LINGO1: variants seen among roughly 807,000 people sequenced by gnomAD.
LINGO1 encodes leucine rich repeat and Ig domain containing 1, also known as leucine-rich repeat and immunoglobulin-like domain-containing nogo receptor-interacting protein 1.
LINGO1 carries 11 observed loss-of-function variants against 37.3 expected under a neutral mutation model. The ratio of observed to expected loss-of-function variants is 0.29; its 90% CI spans 0.19 to 0.49. The LOEUF is 0.49. Among genes scored for constraint, LINGO1 ranks in the 20% least tolerant of loss-of-function variants. The pLI, the probability that LINGO1 is intolerant of heterozygous loss-of-function variation, is 0.99. For synonymous variants in LINGO1, 387 were observed against 403.0 expected, an observed-to-expected ratio of 0.96 and a Z score of 0.48; for missense variants, 585 against 878.2, an observed-to-expected ratio of 0.67 and a Z score of 4.22.
At chr15:77,647,985 CCTT>C in intron 3 of LINGO1, 1 of 453,498 alleles carries the variant, frequency 2.2e-6, no homozygotes, top group Non-Finnish European at 4.4e-6. Context: ...TTCCTTGCCT[CCTT>C]CTTTCCTCCC....
At chr15:77,667,739 A>G (rs1175597948) in intron 3 of LINGO1, 4 of 152,226 alleles carry the variant, frequency 2.6e-5, no homozygotes, top group Admixed American at 2.6e-4. Flanking sequence ...ATGGACGTCA[A>G]TATTATTGCC....
At chr15:77,712,972 T>C (rs1318607770) in intron 2 of LINGO1, among the ~76,000 whole-genome samples, 12 of 152,194 alleles carry the variant, frequency 7.9e-5, no homozygotes, top group Non-Finnish European at 8.8e-5. Context: ...AGCAAACAAT[T>C]GTGTTCTGGT....
At chr15:77,773,899 C>T (rs1410971191) in intron 1 of LINGO1, among the ~76,000 whole-genome samples, 1 of 152,068 alleles carries the variant, frequency 6.6e-6, no homozygotes, top group East Asian at 1.9e-4. Flanking sequence ...CTGAGAACAT[C>T]CCCTCAGGCT....
intron 1 of LINGO1, among the ~76,000 whole-genome samples, chr15:77,769,678 G>T (rs1033850998): frequency 3.3e-5 from 5 of 152,162 alleles, no homozygotes; most frequent in Non-Finnish European, 5.9e-5. Context: ...ACCCCTGGGG[G>T]ACAGGATCCC....
At chr15:77,633,140 G>T (rs1002602724), upstream of LINGO1, among the ~76,000 whole-genome samples, 14 of 151,876 alleles carry the variant, frequency 9.2e-5, no homozygotes, top group African/African-American at 3.4e-4. Context: ...GGCGAGGGGC[G>T]CACCAGCCAG....
intron 3 of LINGO1, among the ~76,000 whole-genome samples, chr15:77,655,703 G>A (rs554452926): frequency 1.3e-5 from 2 of 152,158 alleles, no homozygotes; most frequent in Non-Finnish European, 2.9e-5. Flanking sequence ...ATTTGCCAGG[G>A]GTATGAAGAG....
chr15:77,769,942 G>T (rs1452589430), intron 1 of LINGO1, among the ~76,000 whole-genome samples: 1 of 152,188 alleles, frequency 6.6e-6, no homozygotes, highest in African/African-American at 2.4e-5. Flanking sequence ...GTGTGGTTTT[G>T]TGACTTGTCC....
chr15:77,620,522 C>T (rs566579732), intron 1 of LINGO1, among the ~76,000 whole-genome samples: 2 of 152,386 alleles, frequency 1.3e-5, no homozygotes, highest in Admixed American at 6.5e-5. Flanking sequence ...CTCCCTGACA[C>T]ACGCAGTTCT....
At chr15:77,794,885 C>T (rs1432857248) in intron 2 of LINGO1, among the ~76,000 whole-genome samples, 1 of 152,046 alleles carries the variant, frequency 6.6e-6, no homozygotes, top group Non-Finnish European at 1.5e-5. Context: ...AACTGGGCTT[C>T]GGAGCAAGGC....
At chr15:77,728,080 G>A (rs577640552) in intron 2 of LINGO1, among the ~76,000 whole-genome samples, 1 of 152,216 alleles carries the variant, frequency 6.6e-6, no homozygotes, top group South Asian at 2.1e-4. Context: ...GAGAGCCCCA[G>A]GTCAGGGCTG....
chr15:77,777,368 TATACACACACAA>T (rs60189453), intron 1 of LINGO1, among the ~76,000 whole-genome samples: 77,680 of 149,056 alleles, frequency 0.52, 20,439 homozygotes, highest in South Asian at 0.62. Context: ...CGCATACACA[TATACACACACAA>T]ATACACACAC....
chr15:77,619,949 C>A lies in LINGO1; in HGVS notation c.7-4049G>T, dbSNP rs115360145. Among the ~76,000 whole-genome samples, 432 of 152,198 alleles carry A rather than the reference C, an allele frequency of 2.8e-3. 4 individuals are homozygous for A. Among genetic ancestry groups the A allele is most frequent in the African/African-American group, 8.8e-3 (367 of 41,526 alleles). On this transcript the variant is annotated intron_variant, in intron 1 of 1. Transcript: ENST00000355300. ...TGGGGAAGCTGAAGGTTGAGAGAGG[C>A]TAGGATGCCTGCCCAAGCTGGCACA... is the stretch of plus-strand genomic sequence containing the variant.
At chr15:77,663,570 T>A (rs1350025496) in intron 3 of LINGO1, among the ~76,000 whole-genome samples, 2 of 152,186 alleles carry the variant, frequency 1.3e-5, no homozygotes, top group Non-Finnish European at 2.9e-5. Flanking sequence ...TTATCTGCCC[T>A]TCTCTCAGAA....
rs1429450920 is a variant in LINGO1 at position 77,614,822 on chromosome 15, T to C, written c.1085A>G (p.Glu362Gly). 1 of 1,612,154 alleles carries C rather than the reference T, an allele frequency of 6.2e-7. No homozygotes were observed. The highest frequency in any genetic ancestry group is 8.5e-7 in the Non-Finnish European group (1 of 1,179,276). ...ESVFHSVGNLETLILDSNPLA... is the reference protein window; with the variant it reads ...ESVFHSVGNLGTLILDSNPLA... ...CGGGTTGGAGTCCAGGATGAGTGTC[T>C]CCAGGTTGCCCACCGAGTGGAAGAC... Residue 362 changes from glutamate (E) to glycine (G), a missense_variant, in exon 2 of 2, where the codon GAG (glutamate) becomes GGG (glycine). Glu to Gly is a moderately conservative substitution (Grantham distance 98). This residue lies in a region of LINGO1 where 484 missense variants were observed against 735.0 expected (regional missense o/e 0.66). Coordinates refer to ENST00000355300, the MANE Select transcript of LINGO1 (RefSeq NM_032808.7).
intron 3 of LINGO1, among the ~76,000 whole-genome samples, chr15:77,647,393 A>C (rs2074656990): frequency 7.2e-6 from 1 of 139,848 alleles, no homozygotes; most frequent in African/African-American, 2.6e-5. Flanking sequence ...AGAGAAGGGA[A>C]AGGCAGCTGG....
chr15:77,756,416 A>G (rs2076419069), intron 1 of LINGO1, among the ~76,000 whole-genome samples: 1 of 151,912 alleles, frequency 6.6e-6, no homozygotes, highest in African/African-American at 2.4e-5. Flanking sequence ...AACACACACA[A>G]TGACACACAC....
intron 3 of LINGO1, among the ~76,000 whole-genome samples, chr15:77,665,262 G>A (rs2141185374): frequency 1.3e-5 from 2 of 152,322 alleles, no homozygotes; most frequent in Admixed American, 1.3e-4. Flanking sequence ...GGTGGGCTCT[G>A]TGTCATGTCC....
At chr15:77,707,571 G>T (rs1043263008) in intron 2 of LINGO1, 1 of 152,262 alleles carries the variant, frequency 6.6e-6, no homozygotes, top group Non-Finnish European at 1.5e-5. Context: ...AACAGGTCAG[G>T]GAAAAACCCT....
In LINGO1 at chr15:77,717,723, G is replaced by A. The variant is rs563655295; in HGVS notation, c.-195+17269C>T. 5.3e-5 allele frequency among the ~76,000 whole-genome samples: 8 copies of A among 150,810 alleles called. 1 individual carries two copies. The East Asian group carries it at 8.5e-4, about 16-fold the overall frequency. ...GGCGGCCCCCACCAAGCCCAGGCCC[G>A]GGCTGTTCTGCACAGGAGGGAGCCT... On this transcript the variant is annotated intron_variant, in intron 2 of 3. Coordinates refer to the LINGO1 transcript ENST00000561686.
Sources: allele counts gnomAD v4.1 joint callset (sites outside exome capture counted in the v4.1 genomes callset), GRCh38; gene constraint gnomAD v4.1.1; regional missense constraint gnomAD v4.1.1; transcripts MANE v1.5; gene names NCBI Gene and HGNC (gene_info 2026-07-23, HGNC 2026-07-21).